CAMK2D: variants seen among roughly 807,000 people sequenced by gnomAD.
CAMK2D encodes the protein calcium/calmodulin dependent protein kinase II delta, also known as calcium/calmodulin-dependent protein kinase type II subunit delta.
CAMK2D carries 37 observed loss-of-function variants against 84.0 expected under a neutral mutation model. The ratio of observed to expected loss-of-function variants is 0.44; its 90% CI spans 0.34 to 0.58. The LOEUF is 0.58. Among genes scored for constraint, CAMK2D ranks in the 20% least tolerant of loss-of-function variants. CAMK2D has a pLI of 0.02. For missense variants in CAMK2D, 448 were observed against 652.5 expected (o/e 0.69, Z 3.41); for synonymous variants, 202 against 212.5 (o/e 0.95, Z 0.43).
In CAMK2D at chr4:113,572,644, G is replaced by A. The variant is rs888803165; in HGVS notation, c.276-20548C>T. On this transcript the variant is annotated intron_variant, in intron 4 of 20. Coordinates refer to ENST00000511664, the MANE Select transcript of CAMK2D (RefSeq NM_001321571.2). ...AAGTCAAAAAATAACAGATGCTGGGGAGATTGGGGAGAAAGAGAAACCCTT... is the reference window on the plus strand; with the variant it reads ...AAGTCAAAAAATAACAGATGCTGGGAAGATTGGGGAGAAAGAGAAACCCTT... Among the ~76,000 whole-genome samples, 3 of 152,210 alleles carry A rather than the reference G, an allele frequency of 2.0e-5. No individual in the cohort carries two copies. The East Asian group carries it at 5.8e-4, about 29-fold the overall frequency.
At chr4:113,759,265 A>C in intron 2 of CAMK2D, 55 bp downstream of exon 2, 1 of 1,081,900 alleles carries the variant, frequency 9.2e-7, no homozygotes, top group Non-Finnish European at 1.4e-6. Flanking sequence ...AACAGAACCT[A>C]TAATCAACAT....
intron 13 of CAMK2D, chr4:113,508,140 C>T (rs2098156562): frequency 1.2e-6 from 1 of 841,540 alleles, no homozygotes; most frequent in Non-Finnish European, 2.0e-6. Flanking sequence ...TGGTCCTACA[C>T]CCTCTCCACT....
At chr4:113,626,920 A>G (rs543896161) in intron 3 of CAMK2D, among the ~76,000 whole-genome samples, 2 of 152,220 alleles carry the variant, frequency 1.3e-5, no homozygotes, top group Non-Finnish European at 2.9e-5. Flanking sequence ...CATATAATCC[A>G]GAGACCAGGG....
chr4:113,495,727 CAAG>C (rs766028114), intron 16 of CAMK2D, among the ~76,000 whole-genome samples: 2 of 152,010 alleles, frequency 1.3e-5, no homozygotes, highest in Non-Finnish European at 2.9e-5. Flanking sequence ...AAAAGGAATT[CAAG>C]AAGGATGAAG....
intron 16 of CAMK2D, among the ~76,000 whole-genome samples, chr4:113,489,051 T>C (rs1409897347): frequency 1.3e-5 from 2 of 152,080 alleles, no homozygotes; most frequent in African/African-American, 2.4e-5. Context: ...AGTGGTGGAA[T>C]AGAATAAATT....
intron 3 of CAMK2D, among the ~76,000 whole-genome samples, chr4:113,643,665 C>T (rs1460061019): frequency 6.6e-6 from 1 of 152,248 alleles, no homozygotes; most frequent in Admixed American, 6.5e-5. Context: ...ATCTCCCACG[C>T]TTAGCAGCGG....
At chr4:113,689,913 T>C (rs2154340486) in intron 2 of CAMK2D, among the ~76,000 whole-genome samples, 1 of 152,312 alleles carries the variant, frequency 6.6e-6, no homozygotes, top group East Asian at 1.9e-4. Flanking sequence ...CCACTGTTTC[T>C]TCAAAGTCTA....
At chr4:113,683,354 T>C (rs1029471) in intron 2 of CAMK2D, among the ~76,000 whole-genome samples, 35,857 of 152,058 alleles carry the variant, frequency 0.24, 5,134 homozygotes, top group African/African-American at 0.41. Context: ...AGAGCAGCAC[T>C]GATGATACAG....
chr4:113,569,801 G>A (rs1015298531), intron 4 of CAMK2D, among the ~76,000 whole-genome samples: 1 of 152,070 alleles, frequency 6.6e-6, no homozygotes, highest in African/African-American at 2.4e-5. Context: ...TCCATTTGTA[G>A]CAAATATAAA....
Position 113,585,382 on chromosome 4 carries a change from T to G in CAMK2D, c.275+23770A>C, listed in dbSNP as rs942705840. On this transcript the variant is annotated intron_variant, in intron 4 of 20. Transcript: ENST00000511664. ...TTGTCCTTCCCCAGCCTCATGTGTG[T>G]GCACGGACACAAACATACATACATA... Among the ~76,000 whole-genome samples, 7 of 152,270 alleles carry G rather than the reference T, an allele frequency of 4.6e-5. No homozygotes were observed. The East Asian group carries it at 1.2e-3, about 25-fold the overall frequency.
chr4:113,503,929 C>T (rs2098091332), intron 14 of CAMK2D, among the ~76,000 whole-genome samples: 1 of 152,098 alleles, frequency 6.6e-6, no homozygotes, highest in African/African-American at 2.4e-5. Flanking sequence ...ATGGACACTC[C>T]CCCACCACTA....
At chr4:113,709,781 A>ATATATATC (rs1491185734) in intron 2 of CAMK2D, among the ~76,000 whole-genome samples, 1 of 125,322 alleles carries the variant, frequency 8.0e-6, no homozygotes, top group African/African-American at 3.2e-5. Flanking sequence ...ATATATATAT[A>ATATATATC]TGAGAGACTT....
At chr4:113,591,223 G>C (rs2098878371) in intron 4 of CAMK2D, among the ~76,000 whole-genome samples, 2 of 151,566 alleles carry the variant, frequency 1.3e-5, no homozygotes, top group Admixed American at 1.3e-4. Context: ...TTCTGAGTCT[G>C]CTAAATGTCT....
intron 3 of CAMK2D, among the ~76,000 whole-genome samples, chr4:113,657,997 C>T (rs1388289636): frequency 1.3e-5 from 2 of 152,118 alleles, no homozygotes; most frequent in Non-Finnish European, 2.9e-5. Context: ...GCTGTTTTCC[C>T]TGTGTAATAT....
chr4:113,611,340 A>C (rs960079118), intron 3 of CAMK2D, among the ~76,000 whole-genome samples: 3 of 152,226 alleles, frequency 2.0e-5, no homozygotes, highest in African/African-American at 7.2e-5. Context: ...CTTAGCAGCT[A>C]TAATACAGTA....
chr4:113,736,231 C>T (rs1207846158), intron 2 of CAMK2D, among the ~76,000 whole-genome samples: 3 of 151,710 alleles, frequency 2.0e-5, no homozygotes, highest in Non-Finnish European at 4.4e-5. Flanking sequence ...AGACATCCAA[C>T]TTACTCCAAT....
chr4:113,589,480 T>C (rs767388304), intron 4 of CAMK2D, among the ~76,000 whole-genome samples: 3 of 152,164 alleles, frequency 2.0e-5, no homozygotes, highest in Non-Finnish European at 4.4e-5. Context: ...GAGTGAAATA[T>C]ATTCAGTTTC....
intron 2 of CAMK2D, among the ~76,000 whole-genome samples, chr4:113,680,346 CAG>C (rs886380005): frequency 9.9e-5 from 15 of 152,182 alleles, no homozygotes; most frequent in African/African-American, 3.4e-4. Context: ...CGCTGTCCAT[CAG>C]AGTTGTCTAG....
chr4:113,487,420 C>T (rs981168763), intron 16 of CAMK2D, among the ~76,000 whole-genome samples: 2 of 151,948 alleles, frequency 1.3e-5, no homozygotes, highest in African/African-American at 4.8e-5. Context: ...GCAAAGGAGA[C>T]ATTATTTCAC....
Sources: allele counts gnomAD v4.1 joint callset (sites outside exome capture counted in the v4.1 genomes callset), GRCh38; gene constraint gnomAD v4.1.1; transcripts MANE v1.5; gene names NCBI Gene and HGNC (gene_info 2026-07-23, HGNC 2026-07-21).